The following CMC2 variants were observed in gnomAD, a reference collection of about 807,000 sequenced individuals.
The protein encoded by CMC2 is C-X9-C motif containing 2, also known as COX assembly mitochondrial protein 2 homolog.
Under a neutral mutation model 7.5 loss-of-function variants are expected in CMC2, and 5 were observed. The ratio of observed to expected loss-of-function variants is 0.66; its 90% confidence interval spans 0.35 to 1.40. The LOEUF (loss-of-function observed/expected upper bound fraction) is 1.40. Ranked by LOEUF, CMC2 falls within the 40% of genes most tolerant of loss-of-function variation. CMC2 has a pLI of 0.04. For synonymous variants in CMC2, 37 were observed against 31.4 expected (o/e 1.18, Z -0.60); for missense variants, 115 against 92.3 (o/e 1.25, Z -1.01).
intron 2 of CMC2, among the ~76,000 whole-genome samples, chr16:80,994,944 G>C (rs1011351532): frequency 6.6e-6 from 1 of 152,038 alleles, no homozygotes; most frequent in African/African-American, 2.4e-5. Flanking sequence ...TCAGGAGTTC[G>C]AGACCAGCCT....
Position 80,974,650 on chromosome 16 carries a change from C to T in CMC2, c.*1443G>A, listed in dbSNP as rs1355463645. ...CATGAAGACTGAACATGAAAGTCCT[C>T]TGTCTTCTATGACATCTACCTAATC... On this transcript the variant is annotated 3_prime_UTR_variant, in exon 4 of 4. Transcript: ENST00000219400. The T allele has an allele frequency of 6.6e-6, 1 of 152,224 alleles. No individual in the cohort carries two copies. The highest frequency in any genetic ancestry group is 2.4e-5 in the African/African-American group (1 of 41,462). The allele number at this position is 152,224 out of a possible 1,614,324, so 9.4% of individuals were successfully genotyped here.
Position 81,006,794 on chromosome 16 carries a change from G to T in CMC2, c.-96C>A. 2.0e-6 allele frequency: 2 copies of T among 985,588 alleles called. No homozygotes were observed. Among genetic ancestry groups the T allele is most frequent in the Non-Finnish European group, 2.4e-6 (2 of 830,104 alleles). The allele number at this position is 985,588 out of a possible 1,614,324, so 61.1% of individuals were successfully genotyped here. A position where few individuals can be genotyped will look rare whatever the true frequency, so the allele number is the denominator to read the frequency against. On this transcript the variant is annotated 5_prime_UTR_variant, in exon 1 of 4. Coordinates refer to ENST00000219400, the MANE Select transcript of CMC2 (RefSeq NM_020188.5). ...AGTAGCCGGCGGAGACGCCCGACCC[G>T]AAGGCCGGCTGCTAGGGAGCAGACA... is the stretch of plus-strand genomic sequence containing the variant.
rs1911812659 is a variant in CMC2, at chr16:80,970,072, TGACA to T, written c.*6017_*6020del. The stretch of plus-strand genomic sequence containing the variant: ...ATTAAAAGGACAGTGTAGTAAGCAA[TGACA>T]GACAGGTATTTAAATAACTTACCTG... On this transcript the variant is annotated 3_prime_UTR_variant, in exon 4 of 4. Transcript: ENST00000219400. 6.6e-6 allele frequency: 1 copy of T among 152,094 alleles called. No individual in the cohort carries two copies. Among genetic ancestry groups the T allele is most frequent in the Non-Finnish European group, 1.5e-5 (1 of 68,008 alleles). The allele number at this position is 152,094 out of a possible 1,614,324, so 9.4% of individuals were successfully genotyped here.
intron 3 of CMC2, chr16:80,978,366 G>A (rs1385497965): frequency 7.9e-7 from 1 of 1,268,230 alleles, no homozygotes; most frequent in Admixed American, 2.4e-5. Context: ...TTAAAATATA[G>A]TCTACATTAA....
chr16:80,995,801 G>T (rs2151643119), intron 2 of CMC2, among the ~76,000 whole-genome samples: 2 of 152,294 alleles, frequency 1.3e-5, no homozygotes, highest in Middle Eastern at 6.8e-3. Flanking sequence ...AAGGGGCACA[G>T]GAAACTGATA....
intron 1 of CMC2, among the ~76,000 whole-genome samples, chr16:80,999,924 G>A (rs1968733129): frequency 6.6e-6 from 1 of 152,142 alleles, no homozygotes; most frequent in African/African-American, 2.4e-5. Context: ...GATTTACACA[G>A]AATGCCTCAA....
chr16:80,992,096 G>T, intron 2 of CMC2: 1 of 348,852 alleles, frequency 2.9e-6, no homozygotes, highest in Non-Finnish European at 5.8e-6. Flanking sequence ...TTAATAATAA[G>T]GGACACTAGA....
At chr16:80,992,348 A>G (rs1306064941) in intron 2 of CMC2, among the ~76,000 whole-genome samples, 1 of 152,204 alleles carries the variant, frequency 6.6e-6, no homozygotes, top group African/African-American at 2.4e-5. Flanking sequence ...TCATACTGTT[A>G]GAGTTATACT....
chr16:80,993,684 G>A (rs924896603), intron 2 of CMC2, among the ~76,000 whole-genome samples: 11 of 95,828 alleles, frequency 1.1e-4, no homozygotes, highest in African/African-American at 2.9e-4. Context: ...TTAGTAATTG[G>A]GCTAAGCTAA....
chr16:81,005,533 G>T (rs1274749921), intron 1 of CMC2, among the ~76,000 whole-genome samples: 1 of 151,956 alleles, frequency 6.6e-6, no homozygotes, highest in Non-Finnish European at 1.5e-5. Context: ...CCATACTGCA[G>T]CAGAGGTCGC....
chr16:80,988,806 C>CTT (rs34666072), intron 2 of CMC2, among the ~76,000 whole-genome samples: 1 of 151,210 alleles, frequency 6.6e-6, no homozygotes, highest in Admixed American at 6.6e-5. Context: ...TCTTTTTAGT[C>CTT]TTTTTTTTTT....
rs549481600 is a variant in CMC2, at chr16:80,969,698, G to A, written c.*6395C>T. 1.7e-4 allele frequency: 26 copies of A among 152,330 alleles called. No homozygotes were observed. The highest frequency in any genetic ancestry group is 6.0e-4 in the African/African-American group (25 of 41,494). The allele number at this position is 152,330 out of a possible 1,614,324, so 9.4% of individuals were successfully genotyped here. ...AGGTCGGGAGTTCAAGACCAGCCTG[G>A]GCAACATGGTGAAACCCCGTCTCTA... On this transcript the variant is annotated 3_prime_UTR_variant, in exon 4 of 4. Transcript: ENST00000219400.
intron 2 of CMC2, among the ~76,000 whole-genome samples, chr16:80,984,534 C>G (rs1344825242): frequency 6.6e-6 from 1 of 152,098 alleles, no homozygotes; most frequent in East Asian, 1.9e-4. Context: ...AATGACCTTT[C>G]CAGAATAAAT....
At chr16:80,987,929 A>C (rs1265295979) in intron 2 of CMC2, among the ~76,000 whole-genome samples, 1 of 152,072 alleles carries the variant, frequency 6.6e-6, no homozygotes, top group Non-Finnish European at 1.5e-5. Context: ...TAATCCCAGC[A>C]CTTTGGGAGG....
At chr16:80,978,332 C>A in intron 3 of CMC2, 1 of 1,260,918 alleles carries the variant, frequency 7.9e-7, no homozygotes, top group Non-Finnish European at 1.0e-6. Context: ...TGTAGCAGGC[C>A]AATAAAATAA....
At position 80,971,102 on chromosome 16, in the gene CMC2, T is replaced by G. The variant is rs1196060955; in HGVS notation, c.*4991A>C. 1 of 152,030 alleles carries G rather than the reference T, an allele frequency of 6.6e-6. No homozygotes were observed. The highest frequency in any genetic ancestry group is 2.1e-4 in the South Asian group (1 of 4,820). 9.4% of individuals were successfully genotyped at this position (152,030 alleles called of 1,614,324 possible). On this transcript the variant is annotated 3_prime_UTR_variant, in exon 4 of 4. Transcript: ENST00000219400. ...GCGAGCTGAGATCATACCACTGCAC[T>G]CCAGCCTGGGTGACAGGGTGAGACT...
chr16:80,985,632 A>G (rs1392820067), intron 2 of CMC2, among the ~76,000 whole-genome samples: 1 of 152,136 alleles, frequency 6.6e-6, no homozygotes, highest in Non-Finnish European at 1.5e-5. Flanking sequence ...ATGTTAAAAG[A>G]GTGCAAAAGA....
chr16:80,990,483 A>T (rs1475870466), intron 2 of CMC2, among the ~76,000 whole-genome samples: 1 of 151,856 alleles, frequency 6.6e-6, no homozygotes, highest in East Asian at 1.9e-4. Context: ...AGATTTTGTA[A>T]AAGTGTCACT....
intron 1 of CMC2, among the ~76,000 whole-genome samples, chr16:81,003,858 C>T (rs2151656981): frequency 6.6e-6 from 1 of 152,308 alleles, no homozygotes. Flanking sequence ...TAATCTGAGA[C>T]CTAAGTCTCT....
Sources: gnomAD v4.1 joint callset for allele counts (sites outside exome capture counted in the v4.1 genomes callset) on GRCh38, gnomAD v4.1.1 for gene constraint, MANE v1.5 for transcripts, NCBI Gene and HGNC (gene_info 2026-07-23, HGNC 2026-07-21) for gene names.